CHRNA5: variants seen among roughly 807,000 people sequenced by gnomAD.
The protein encoded by CHRNA5 is neuronal acetylcholine receptor subunit alpha-5.
In CHRNA5, 28 loss-of-function variants were observed where a neutral mutation model predicts 41.2. That is an observed-to-expected ratio of 0.68 (90% CI 0.50 to 0.93). CHRNA5 has a LOEUF of 0.93. Among genes scored for constraint, CHRNA5 ranks in the 40% least tolerant of loss-of-function variants. CHRNA5 has a pLI of 0.00. For synonymous variants in CHRNA5, 188 were observed against 205.8 expected, an observed-to-expected ratio of 0.91 and a Z score of 0.74; for missense variants, 481 against 581.9, an observed-to-expected ratio of 0.83 and a Z score of 1.78.
Position 78,566,019 on chromosome 15 carries a change from C to T in CHRNA5, c.106+194C>T, listed in dbSNP as rs1408783157. ...TCATTTAAATGCAGAGAAAGGGCTA[C>T]TTGGGTGGGTTTTCTTTGTTGTTCC... On this transcript the variant is annotated intron_variant, in intron 1 of 5. Coordinates refer to ENST00000299565, the Ensembl canonical transcript of CHRNA5. Among the ~76,000 whole-genome samples the T allele has an allele frequency of 2.6e-5, 4 of 152,164 alleles. No individual in the cohort carries two copies. The South Asian group carries it at 6.2e-4, about 24-fold the overall frequency.
intron 1 of CHRNA5, among the ~76,000 whole-genome samples, chr15:78,574,690 A>T (rs2141403037): frequency 6.6e-6 from 1 of 152,238 alleles, no homozygotes; most frequent in Admixed American, 6.5e-5. Flanking sequence ...ATAGGCTAGA[A>T]AATTGTGGGC....
At position 78,588,988 on chromosome 15, in the gene CHRNA5, G is replaced by T. The variant is rs1391355451; in HGVS notation, c.413+565G>T. On this transcript the variant is annotated intron_variant, in intron 4 of 5. Coordinates refer to ENST00000299565, the Ensembl canonical transcript of CHRNA5. The surrounding 1 kb of genome is among the most constrained non-coding windows in gnomAD (Gnocchi z 4.1). The stretch of plus-strand genomic sequence containing the variant: ...TCTGGGAATTTGTGCTTATCTTAAA[G>T]CACTTTGTCTGATTCGAAAGAAGGC... 1 of 151,802 alleles carries T rather than the reference G, an allele frequency of 6.6e-6. No homozygotes were observed. The highest frequency in any genetic ancestry group is 1.5e-5 in the Non-Finnish European group (1 of 67,992). 9.4% of individuals were successfully genotyped at this position (151,802 alleles called of 1,614,324 possible). A position where few individuals can be genotyped will look rare whatever the true frequency, so the allele number is the denominator to read the frequency against.
chr15:78,574,479 C>A (rs1475629036), intron 1 of CHRNA5, among the ~76,000 whole-genome samples: 1 of 151,682 alleles, frequency 6.6e-6, no homozygotes, highest in Non-Finnish European at 1.5e-5. Flanking sequence ...CTAGACACTA[C>A]CTAACATAGT....
At chr15:78,590,785 A>C (rs1021246957) in intron 5 of CHRNA5, 149 bp downstream of exon 5, 2 of 671,320 alleles carry the variant, frequency 3.0e-6, no homozygotes, top group Non-Finnish European at 4.9e-6. Flanking sequence ...TTTCTATAAA[A>C]GATCTTTACT....
At chr15:78,570,669 A>G (rs184218551) in intron 1 of CHRNA5, among the ~76,000 whole-genome samples, 126 of 152,066 alleles carry the variant, frequency 8.3e-4, no homozygotes, top group Non-Finnish European at 1.4e-3. Flanking sequence ...TTAAATATGA[A>G]TATTTGAATT....
chr15:78,570,253 G>A (rs2052789546), intron 1 of CHRNA5, among the ~76,000 whole-genome samples: 1 of 151,712 alleles, frequency 6.6e-6, no homozygotes, highest in South Asian at 2.1e-4. Context: ...TTGTCCTACT[G>A]TTTATTTATT....
At chr15:78,587,189 A>G (rs914568981) in intron 3 of CHRNA5, among the ~76,000 whole-genome samples, 2 of 152,226 alleles carry the variant, frequency 1.3e-5, no homozygotes, top group Admixed American at 1.3e-4. Flanking sequence ...GGGTGGGGAC[A>G]CAGCCAAACC....
chr15:78,590,630 C>A, exon 5 of CHRNA5: 1 of 1,607,228 alleles, frequency 6.2e-7, no homozygotes, highest in South Asian at 1.1e-5. Context: ...AAAATGATGT[C>A]CGTGAGGTCT....
At chr15:78,567,743 C>T (rs1257598029) in intron 1 of CHRNA5, among the ~76,000 whole-genome samples, 2 of 152,184 alleles carry the variant, frequency 1.3e-5, no homozygotes, top group Non-Finnish European at 2.9e-5. Flanking sequence ...TTAGTTTCTC[C>T]ATCTGGATGG....
chr15:78,590,350 C>T, exon 5 of CHRNA5: 1 of 1,614,160 alleles, frequency 6.2e-7, no homozygotes, highest in East Asian at 2.2e-5. Context: ...CTGGTATTTA[C>T]CATGATTTTT....
chr15:78,576,621 AAAAT>A (rs72366880), intron 1 of CHRNA5, among the ~76,000 whole-genome samples: 43,285 of 151,480 alleles, frequency 0.29, 6,895 homozygotes, highest in Admixed American at 0.48. Flanking sequence ...GTCTCTACAA[AAAAT>A]AAATAAATTA....
exon 5 of CHRNA5, chr15:78,589,948 T>C: frequency 1.9e-6 from 3 of 1,614,202 alleles, no homozygotes; most frequent in Non-Finnish European, 2.5e-6. Context: ...AACTGTTCCA[T>C]GAAATTTGGT....
chr15:78,570,424 ATTTTTTTT>A (rs71148540), intron 1 of CHRNA5, among the ~76,000 whole-genome samples: 7 of 64,172 alleles, frequency 1.1e-4, no homozygotes, highest in South Asian at 1.4e-3. Context: ...AATCCCGGCT[ATTTTTTTT>A]TTTTTTTTTT....
chr15:78,573,963 A>ATTTTTTTTTTT (rs979485573), intron 1 of CHRNA5, among the ~76,000 whole-genome samples: 852 of 102,080 alleles, frequency 8.3e-3, no homozygotes, highest in Non-Finnish European at 0.013. Flanking sequence ...CGCCTGGCTA[A>ATTTTTTTTTTT]TTTTTTTTTT....
At chr15:78,579,552 A>T (rs1010207501) in intron 1 of CHRNA5, among the ~76,000 whole-genome samples, 11 of 151,698 alleles carry the variant, frequency 7.3e-5, no homozygotes, top group African/African-American at 2.4e-4. Flanking sequence ...CCGCCTATTT[A>T]TTTTTTTTAC....
At chr15:78,586,334 A>G (rs1475121625) in intron 2 of CHRNA5, among the ~76,000 whole-genome samples, 1 of 152,244 alleles carries the variant, frequency 6.6e-6, no homozygotes, top group Non-Finnish European at 1.5e-5. Flanking sequence ...CACATAAAAT[A>G]ACACTATGCT....
intron 1 of CHRNA5, among the ~76,000 whole-genome samples, chr15:78,579,670 G>A (rs2052892300): frequency 6.6e-6 from 1 of 152,070 alleles, no homozygotes; most frequent in Admixed American, 6.6e-5. Flanking sequence ...TAAACATACT[G>A]CAGTTCATCT....
At chr15:78,593,367 T>A in exon 6 of CHRNA5, 1 of 1,057,214 alleles carries the variant, frequency 9.5e-7, no homozygotes, top group African/African-American at 1.6e-5. Flanking sequence ...TTTAACAGAC[T>A]AAGTTGCTAA....
At chr15:78,576,624 A>G (rs1365938377) in intron 1 of CHRNA5, among the ~76,000 whole-genome samples, 1 of 78,632 alleles carries the variant, frequency 1.3e-5, no homozygotes, top group African/African-American at 4.7e-5. Flanking sequence ...TCTACAAAAA[A>G]TAAATAAATT....
Sources: gnomAD v4.1 joint callset for allele counts (sites outside exome capture counted in the v4.1 genomes callset) on GRCh38, gnomAD v4.1.1 for gene constraint, Gnocchi (gnomAD v3.1) non-coding constraint, MANE v1.5 for transcripts, NCBI Gene and HGNC (gene_info 2026-07-23, HGNC 2026-07-21) for gene names.